Variants in ZNF177 observed in about 807,000 individuals in gnomAD.
ZNF177 encodes zinc finger protein 177.
In ZNF177, 17 loss-of-function variants were observed where a neutral mutation model predicts 19.4. The observed-to-expected ratio is 0.87, with a 90% CI of 0.60 to 1.31. The LOEUF is 1.31. ZNF177 is among the 40% of genes most tolerant of loss of function. The probability of loss-of-function intolerance (pLI) is 0.00; values close to 1 mark genes in which losing one functional copy is unlikely to be tolerated. For synonymous variants in ZNF177, 220 were observed against 188.7 expected, an observed-to-expected ratio of 1.17 and a Z score of -1.36; for missense variants, 633 against 561.8, an observed-to-expected ratio of 1.13 and a Z score of -1.28.
At chr19:9,381,351 T>C (rs991251770) in exon 6 of ZNF177, 2 of 1,613,818 alleles carry the variant, frequency 1.2e-6, no homozygotes, top group African/African-American at 1.3e-5. Context: ...AGAAACCCTA[T>C]GACTGTAAGG....
chr19:9,374,553 C>T (rs8103099), upstream of ZNF177, among the ~76,000 whole-genome samples: 89,248 of 151,874 alleles, frequency 0.59, 26,705 homozygotes, highest in African/African-American at 0.68. Flanking sequence ...TCTACTTTCA[C>T]CAGTGTTTTA....
exon 6 of ZNF177, chr19:9,380,913 C>T (rs2122564541): frequency 6.5e-7 from 1 of 1,536,266 alleles, no homozygotes; most frequent in South Asian, 1.2e-5. Context: ...TCAGGAAACA[C>T]TTAAGAACTC....
upstream of ZNF177, among the ~76,000 whole-genome samples, chr19:9,372,393 C>G (rs1288222040): frequency 2.0e-5 from 3 of 152,056 alleles, no homozygotes; most frequent in Admixed American, 2.0e-4. Context: ...AAAAACTGTT[C>G]ACTGTGGATT....
In ZNF177 at chr19:9,378,859, C is replaced by G. The variant is rs994681838; in HGVS notation, c.34-103C>G. ...CTGATGCATGTCTGAGCTTCCAGTGCCCTGAGTCTCCTCTCCAGTCCTGTC... is the reference window on the plus strand; with the variant it reads ...CTGATGCATGTCTGAGCTTCCAGTGGCCTGAGTCTCCTCTCCAGTCCTGTC... On this transcript the variant is annotated intron_variant, in intron 2 of 5. Coordinates refer to ENST00000589262, the Ensembl canonical transcript of ZNF177. 2.1e-6 allele frequency: 3 copies of G among 1,434,368 alleles called. No individual in the cohort carries two copies. In the African/African-American group the frequency reaches 4.3e-5, roughly 21 times the overall value. 88.9% of individuals were successfully genotyped at this position (1,434,368 alleles called of 1,614,324 possible). A position where few individuals can be genotyped will look rare whatever the true frequency, so the allele number is the denominator to read the frequency against.
chr19:9,366,335 C>T (rs2067979359), intron 2 of ZNF177, among the ~76,000 whole-genome samples: 2 of 152,004 alleles, frequency 1.3e-5, no homozygotes, highest in African/African-American at 2.4e-5. Context: ...GCTGGAGTGC[C>T]GTGGTGCCCT....
intron 5 of ZNF177, 134 bp from the exon 8 acceptor site, chr19:9,380,534 C>G (rs1347165): frequency 0.59 from 889,091 of 1,516,974 alleles, 263,541 homozygotes; most frequent in African/African-American, 0.73. Context: ...TCATACGCAC[C>G]TACTGAAAAT....
upstream of ZNF177, among the ~76,000 whole-genome samples, chr19:9,375,390 A>G (rs1467595070): frequency 1.3e-5 from 2 of 151,998 alleles, no homozygotes; most frequent in African/African-American, 2.4e-5. Flanking sequence ...CTCCTTTTCC[A>G]TTTTTTTGGA....
chr19:9,371,257 ATCTTAACAGGG>A (rs1434224194), intron 2 of ZNF177, among the ~76,000 whole-genome samples: 1 of 152,164 alleles, frequency 6.6e-6, no homozygotes, highest in African/African-American at 2.4e-5. Flanking sequence ...TCAAATGAGA[ATCTTAACAGGG>A]TCCCAACATT....
chr19:9,376,985 TC>T (rs2068118427), intron 1 of ZNF177, among the ~76,000 whole-genome samples: 1 of 152,184 alleles, frequency 6.6e-6, no homozygotes, highest in African/African-American at 2.4e-5. Flanking sequence ...CTTTTGTTTG[TC>T]CAAGGAAGTT....
At chr19:9,372,838 C>CG (rs1460333149), upstream of ZNF177, among the ~76,000 whole-genome samples, 2 of 152,114 alleles carry the variant, frequency 1.3e-5, no homozygotes, top group Non-Finnish European at 2.9e-5. Flanking sequence ...TGAGCCACCA[C>CG]ACCCTGCCAG....
At chr19:9,373,938 C>G (rs2068079193), upstream of ZNF177, among the ~76,000 whole-genome samples, 1 of 150,840 alleles carries the variant, frequency 6.6e-6, no homozygotes, top group Admixed American at 6.6e-5. Context: ...TTATTTTTGC[C>G]TTTCTTGCCT....
chr19:9,382,509 A>G, downstream of ZNF177: 1 of 398,346 alleles, frequency 2.5e-6, no homozygotes, highest in Non-Finnish European at 4.4e-6. Flanking sequence ...ACATGAGAAA[A>G]ATTAACTGCC....
rs546447200 is a variant in ZNF177 at position 9,364,908 on chromosome 19, C to T, written c.-345C>T. On this transcript the variant is annotated 5_prime_UTR_variant, in exon 2 of 9. It adds an upstream start codon to the 5' untranslated region. Coordinates refer to the ZNF177 transcript ENST00000343499. ...AAGAGGGCCTGGGAGAAGAGTCTGA[C>T]GAGCAAGGGGAAGGTAGCCAAGGAT... The T allele has an allele frequency of 4.3e-4, 66 of 152,078 alleles. No individual in the cohort carries two copies. Among genetic ancestry groups the T allele is most frequent in the Non-Finnish European group, 7.1e-4 (48 of 68,052 alleles). The allele number at this position is 152,078 out of a possible 1,614,324, so 9.4% of individuals were successfully genotyped here. A position where few individuals can be genotyped will look rare whatever the true frequency, so the allele number is the denominator to read the frequency against.
At chr19:9,364,617 G>C (rs1466500083) in intron 1 of ZNF177, among the ~76,000 whole-genome samples, 1 of 152,152 alleles carries the variant, frequency 6.6e-6, no homozygotes, top group Non-Finnish European at 1.5e-5. Flanking sequence ...GACACATGTA[G>C]GTAGAGGATC....
intron 2 of ZNF177, among the ~76,000 whole-genome samples, chr19:9,366,333 G>C (rs1209132941): frequency 3.3e-5 from 5 of 152,056 alleles, no homozygotes; most frequent in Non-Finnish European, 7.4e-5. Context: ...AGGCTGGAGT[G>C]CCGTGGTGCC....
At chr19:9,380,275 T>C (rs1476098971) in intron 5 of ZNF177, 136 bp downstream of exon 7, 5 of 1,142,936 alleles carry the variant, frequency 4.4e-6, no homozygotes, top group South Asian at 1.8e-5. Flanking sequence ...TCGGGAGAGT[T>C]TGGAGTTTGA....
intron 2 of ZNF177, among the ~76,000 whole-genome samples, chr19:9,368,306 C>T (rs961012482): frequency 6.6e-6 from 1 of 151,534 alleles, no homozygotes; most frequent in African/African-American, 2.4e-5. Context: ...CAGTGTTACT[C>T]AACCATCACC....
exon 6 of ZNF177, chr19:9,382,142 C>G (rs1052350113): frequency 2.5e-6 from 1 of 397,154 alleles, no homozygotes; most frequent in African/African-American, 2.1e-5. Flanking sequence ...GTCTCAATAT[C>G]CATTCCTCCC....
At position 9,364,938 on chromosome 19, in the gene ZNF177, T is replaced by G. The variant is rs2067957529; in HGVS notation, c.-315T>G. 1 of 151,878 alleles carries G rather than the reference T, an allele frequency of 6.6e-6. No individual in the cohort carries two copies. The highest frequency in any genetic ancestry group is 1.5e-5 in the Non-Finnish European group (1 of 67,962). The allele number at this position is 151,878 out of a possible 1,614,324, so 9.4% of individuals were successfully genotyped here. On this transcript the variant is annotated 5_prime_UTR_variant, in exon 2 of 9. It removes the in-frame stop codon of an upstream open reading frame in the 5' UTR. Coordinates refer to the ZNF177 transcript ENST00000343499. The stretch of plus-strand genomic sequence containing the variant: ...AAGGGGAAGGTAGCCAAGGATGGAG[T>G]GAAATACAGGGTAAGTGTCTTCCTA...
Sources: allele counts gnomAD v4.1 joint callset (sites outside exome capture counted in the v4.1 genomes callset), GRCh38; gene constraint gnomAD v4.1.1; transcripts MANE v1.5; gene names NCBI Gene and HGNC (gene_info 2026-07-23, HGNC 2026-07-21).